The following AFG1L variants were observed in gnomAD, a reference collection of about 807,000 sequenced individuals.
AFG1L encodes the protein AFG1-like ATPase.
In AFG1L, 53 loss-of-function variants were observed where a neutral mutation model predicts 62.2. The ratio of observed to expected loss-of-function variants is 0.85; its 90% confidence interval spans 0.68 to 1.07. AFG1L has a LOEUF of 1.07. AFG1L is among the 50% of genes least tolerant of loss of function. The pLI is 0.00. For synonymous variants in AFG1L, 228 were observed against 210.3 expected, an observed-to-expected ratio of 1.08 and a Z score of -0.73; for missense variants, 555 against 590.5, an observed-to-expected ratio of 0.94 and a Z score of 0.62.
At chr6:108,319,555 A>G (rs147459481) in intron 1 of AFG1L, 242 of 158,928 alleles carry the variant, frequency 1.5e-3, no homozygotes, top group African/African-American at 4.8e-3. Flanking sequence ...CTGGGATTAC[A>G]GGCGTGAGCC....
At position 108,399,174 on chromosome 6, in the gene AFG1L, G is replaced by GT. The variant is rs1424528059; in HGVS notation, c.749-2819dup. Among the ~76,000 whole-genome samples the GT allele has an allele frequency of 1.5e-3, 75 of 51,408 alleles. 5 individuals carry two copies. The highest frequency in any genetic ancestry group is 0.014 in the Middle Eastern group (1 of 72). The allele number at this position is 51,408 out of a possible 152,430, so 33.7% of individuals were successfully genotyped here. ...ATTGCAAAGATCTGTCACTTCTTTT[G>GT]TTTGTTTTTTTTTTTTTTTTTTTTT... On this transcript the variant is annotated intron_variant, in intron 6 of 12. Transcript: ENST00000368977.
intron 2 of AFG1L, among the ~76,000 whole-genome samples, chr6:108,337,226 G>A (rs1057377293): frequency 2.6e-5 from 4 of 152,160 alleles, no homozygotes; most frequent in Admixed American, 6.5e-5. Context: ...CCTGATATAC[G>A]AGAGATGTTG....
intron 7 of AFG1L, among the ~76,000 whole-genome samples, chr6:108,443,222 A>G (rs1484578230): frequency 6.6e-6 from 1 of 151,976 alleles, no homozygotes; most frequent in Non-Finnish European, 1.5e-5. Context: ...GACTGTCAAC[A>G]CCTCTGTCTT....
At chr6:108,441,635 C>T (rs1422259271) in intron 7 of AFG1L, among the ~76,000 whole-genome samples, 1 of 150,864 alleles carries the variant, frequency 6.6e-6, no homozygotes, top group Non-Finnish European at 1.5e-5. Flanking sequence ...CCCGCCTCCA[C>T]CCTTCTGCAA....
At chr6:108,354,299 A>G (rs138909248) in intron 3 of AFG1L, among the ~76,000 whole-genome samples, 2 of 151,738 alleles carry the variant, frequency 1.3e-5, no homozygotes, top group East Asian at 1.9e-4. Context: ...ACTGAACCCT[A>G]TGTTTTTTTT....
At chr6:108,427,756 A>T (rs967492855) in intron 7 of AFG1L, among the ~76,000 whole-genome samples, 2 of 151,990 alleles carry the variant, frequency 1.3e-5, no homozygotes, top group Non-Finnish European at 2.9e-5. Flanking sequence ...TCTTGACCTC[A>T]AGTGATCCAC....
rs76431998 is a variant in AFG1L at position 108,438,157 on chromosome 6, T to C, written c.808-9057T>C. Among the ~76,000 whole-genome samples the C allele has an allele frequency of 3.8e-3, 572 of 152,336 alleles. 6 individuals are homozygous for C. Among genetic ancestry groups the C allele is most frequent in the African/African-American group, 0.013 (550 of 41,574 alleles). Reference sequence around the variant, plus strand: ...AAATGCCTTTCTGTATGCTTATTACTGGAGCAAGGTAGCATATTGGTGATT... The same window carrying C: ...AAATGCCTTTCTGTATGCTTATTACCGGAGCAAGGTAGCATATTGGTGATT... On this transcript the variant is annotated intron_variant, in intron 7 of 12. Coordinates refer to ENST00000368977, the MANE Select transcript of AFG1L (RefSeq NM_145315.5).
Position 108,461,264 on chromosome 6 carries a change from C to A in AFG1L, c.890+13968C>A, listed in dbSNP as rs571772620. 7.2e-5 allele frequency among the ~76,000 whole-genome samples: 11 copies of A among 152,172 alleles called. No homozygotes were observed. In the East Asian group the frequency reaches 1.9e-3, roughly 27 times the overall value. On this transcript the variant is annotated intron_variant, in intron 8 of 12. Transcript: ENST00000368977. ...AAAGAACACCTGGGAGGGGGAAGGG[C>A]TCTGTGGTGGGGAAATATAGTTGGT...
chr6:108,512,257 C>T (rs1239036888), intron 11 of AFG1L, among the ~76,000 whole-genome samples: 1 of 152,178 alleles, frequency 6.6e-6, no homozygotes, highest in Admixed American at 6.5e-5. Flanking sequence ...TTTGCAGCAA[C>T]CTCTCTGGGA....
At chr6:108,469,815 T>C (rs951691236) in intron 8 of AFG1L, among the ~76,000 whole-genome samples, 2 of 152,212 alleles carry the variant, frequency 1.3e-5, no homozygotes, top group African/African-American at 2.4e-5. Context: ...GGCAGACTTA[T>C]CTGCTTTCTC....
At chr6:108,302,189 C>T (rs532816261) in intron 1 of AFG1L, among the ~76,000 whole-genome samples, 3 of 152,162 alleles carry the variant, frequency 2.0e-5, no homozygotes, top group East Asian at 1.9e-4. Flanking sequence ...GTGATCTGCC[C>T]GCCTTGGCCT....
rs1379542542 is a variant in AFG1L at position 108,323,855 on chromosome 6, C to G, written c.170C>G (p.Thr57Ser). 4 of 1,613,926 alleles carry G rather than the reference C, an allele frequency of 2.5e-6. No homozygotes were observed. The highest frequency in any genetic ancestry group is 3.3e-4 in the Middle Eastern group (2 of 6,084). ...AYTVQTSESM[T>S]PTATSETYLK... Reference sequence around the variant, plus strand: ...ACGGTTCAGACATCCGAGAGCATGACCCCAACTGCCACTTCAGAGACTTAT... The same window carrying G: ...ACGGTTCAGACATCCGAGAGCATGAGCCCAACTGCCACTTCAGAGACTTAT... The change falls in exon 2 of 13, where the codon ACC becomes AGC. Residue 57 changes from threonine (T) to serine (S), a missense_variant. By Grantham distance (58) the Thr-to-Ser change is moderately conservative. Transcript: ENST00000368977.
rs937969622 is a variant in AFG1L at position 108,389,850 on chromosome 6, C to T, written c.749-12146C>T. ...TCAACTTTGATGAATCTGACAATTA[C>T]GTGTCTTGGAGTTGTTTTTCTCGAG... is the stretch of plus-strand genomic sequence containing the variant. On this transcript the variant is annotated intron_variant, in intron 6 of 12. Transcript: ENST00000368977. Among the ~76,000 whole-genome samples the T allele has an allele frequency of 6.6e-5, 10 of 152,164 alleles. No individual in the cohort carries two copies. The East Asian group carries it at 7.7e-4, about 12-fold the overall frequency.
intron 6 of AFG1L, among the ~76,000 whole-genome samples, chr6:108,401,650 A>G (rs918755504): frequency 6.6e-6 from 1 of 152,166 alleles, no homozygotes; most frequent in African/African-American, 2.4e-5. Flanking sequence ...AGAATTCTAT[A>G]TATTCAAGTA....
At chr6:108,361,709 C>T (rs1779536359) in intron 5 of AFG1L, among the ~76,000 whole-genome samples, 2 of 152,086 alleles carry the variant, frequency 1.3e-5, no homozygotes, top group Admixed American at 6.6e-5. Context: ...TTCCCTCACA[C>T]CCTAACATAT....
chr6:108,412,210 A>G (rs4946919), intron 7 of AFG1L, among the ~76,000 whole-genome samples: 15,036 of 152,206 alleles, frequency 0.099, 1,033 homozygotes, highest in South Asian at 0.19. Flanking sequence ...AGAGAAGTTT[A>G]GAGAAAAAAG....
chr6:108,485,878 C>T (rs1773554441), intron 10 of AFG1L, among the ~76,000 whole-genome samples: 1 of 150,442 alleles, frequency 6.6e-6, no homozygotes, highest in African/African-American at 2.4e-5. Flanking sequence ...TGCCGTGTTG[C>T]CCAGGCTGGT....
intron 1 of AFG1L, among the ~76,000 whole-genome samples, chr6:108,305,951 T>C (rs546570802): frequency 6.6e-6 from 1 of 152,338 alleles, no homozygotes; most frequent in Admixed American, 6.5e-5. Flanking sequence ...TTGCCCAGGT[T>C]GGAATGCAGT....
intron 12 of AFG1L, chr6:108,522,021 G>GT (rs1035002782): frequency 9.4e-3 from 2,182 of 233,246 alleles, no homozygotes; most frequent in East Asian, 0.017. Context: ...AGAACTACTG[G>GT]TTTTTTTTTT....
Sources: gnomAD v4.1 joint callset for allele counts (sites outside exome capture counted in the v4.1 genomes callset) on GRCh38, gnomAD v4.1.1 for gene constraint, MANE v1.5 for transcripts, NCBI Gene and HGNC (gene_info 2026-07-23, HGNC 2026-07-21) for gene names.